The following CEP43 variants were observed in gnomAD, a reference collection of about 807,000 sequenced individuals.
CEP43 encodes the protein FGFR1 oncogene partner.
A neutral mutation model predicts 52.6 loss-of-function variants in CEP43; 36 were observed. The ratio of observed to expected loss-of-function variants is 0.68; its 90% CI spans 0.52 to 0.90. The LOEUF (loss-of-function observed/expected upper bound fraction) is 0.90. Among genes scored for constraint, CEP43 ranks in the 40% least tolerant of loss-of-function variants. The pLI is 0.00. For synonymous variants in CEP43, 192 were observed against 172.4 expected, an observed-to-expected ratio of 1.11 and a Z score of -0.89; for missense variants, 506 against 472.8, an observed-to-expected ratio of 1.07 and a Z score of -0.65.
intron 4 of CEP43, 37 bp downstream of exon 4, chr6:167,003,848 C>A: frequency 7.9e-7 from 1 of 1,261,266 alleles, no homozygotes; most frequent in Non-Finnish European, 1.2e-6. Flanking sequence ...CTTTTGAAAC[C>A]TTTGATACAA....
chr6:167,041,967 G>C lies in CEP43; in HGVS notation c.*1989G>C. 7.6e-6 allele frequency: 3 copies of C among 396,908 alleles called. No homozygotes were observed. Among genetic ancestry groups the C allele is most frequent in the Non-Finnish European group, 1.0e-5 (3 of 287,740 alleles). 24.6% of individuals were successfully genotyped at this position (396,908 alleles called of 1,614,324 possible). A position where few individuals can be genotyped will look rare whatever the true frequency, so the allele number is the denominator to read the frequency against. On this transcript the variant is annotated 3_prime_UTR_variant, in exon 13 of 13. Transcript: ENST00000366847. ...GCCTCCTGAGTAGCTGGGATTACAG[G>C]TGCACACCACCACGCCCGGCTAATT...
At chr6:167,002,735 T>C (rs1329018585) in intron 2 of CEP43, among the ~76,000 whole-genome samples, 1 of 152,228 alleles carries the variant, frequency 6.6e-6, no homozygotes, top group Admixed American at 6.5e-5. Context: ...AATAAATGTA[T>C]AATTACAAAA....
At chr6:167,010,286 T>C (rs1486397317) in intron 5 of CEP43, among the ~76,000 whole-genome samples, 6 of 152,180 alleles carry the variant, frequency 3.9e-5, no homozygotes, top group African/African-American at 1.2e-4. Flanking sequence ...AGATGACTCC[T>C]GTGGAAGTTG....
intron 12 of CEP43, among the ~76,000 whole-genome samples, chr6:167,039,541 C>T (rs568703150): frequency 1.1e-4 from 17 of 152,266 alleles, no homozygotes; most frequent in African/African-American, 3.4e-4. Flanking sequence ...TTTTGCAATT[C>T]GGAATTGTGC....
At chr6:167,022,883 G>A (rs1780269339) in intron 8 of CEP43, among the ~76,000 whole-genome samples, 1 of 152,022 alleles carries the variant, frequency 6.6e-6, no homozygotes, top group Non-Finnish European at 1.5e-5. Flanking sequence ...TTCCAGGGTG[G>A]GGTGCAGCAA....
intron 5 of CEP43, among the ~76,000 whole-genome samples, chr6:167,006,676 A>G (rs1346769029): frequency 1.3e-5 from 2 of 152,220 alleles, no homozygotes; most frequent in South Asian, 4.1e-4. Context: ...AGACTTGAGC[A>G]TCCTTGGATT....
rs1383281295 is a variant in CEP43, at chr6:167,042,948, T to G, written c.*2970T>G. 2 of 152,278 alleles carry G rather than the reference T, an allele frequency of 1.3e-5. No homozygotes were observed. Among genetic ancestry groups the G allele is most frequent in the African/African-American group, 4.8e-5 (2 of 41,390 alleles). The allele number at this position is 152,278 out of a possible 1,614,324, so 9.4% of individuals were successfully genotyped here. On this transcript the variant is annotated 3_prime_UTR_variant, in exon 13 of 13. Coordinates refer to ENST00000366847, the MANE Select transcript of CEP43 (RefSeq NM_007045.4). ...GCATCTTTGGGGCTGTAAACAGGCT[T>G]GAGCACTGACATGGGGCCTGGAGAA...
chr6:167,046,524 A>G lies in CEP43; in HGVS notation c.*6546A>G, dbSNP rs1247320388. On this transcript the variant is annotated 3_prime_UTR_variant, in exon 13 of 13. Coordinates refer to ENST00000366847, the MANE Select transcript of CEP43 (RefSeq NM_007045.4). ...GCTTGGAAATGGAATTTCTTAGCCT[A>G]ATTTCTAAATTAGAACTGCTTATGC... is the stretch of plus-strand genomic sequence containing the variant. The G allele has an allele frequency of 6.6e-6, 1 of 152,248 alleles. No homozygotes were observed. Among genetic ancestry groups the G allele is most frequent in the Non-Finnish European group, 1.5e-5 (1 of 68,034 alleles). The allele number at this position is 152,248 out of a possible 1,614,324, so 9.4% of individuals were successfully genotyped here.
chr6:167,033,815 G>A lies in CEP43; in HGVS notation c.1029-60G>A. 4.0e-6 allele frequency: 3 copies of A among 745,348 alleles called. No homozygotes were observed. In the Middle Eastern group the frequency reaches 7.3e-4, roughly 181 times the overall value. The allele number at this position is 745,348 out of a possible 1,614,324, so 46.2% of individuals were successfully genotyped here. ...GAAATATCTGAATGTTTAAAGAATA[G>A]TAATCTCTTTAAATGTTTATTTTCA... On this transcript the variant is annotated intron_variant, in intron 11 of 12. Transcript: ENST00000366847.
intron 5 of CEP43, among the ~76,000 whole-genome samples, chr6:167,006,736 G>GA (rs1023060680): frequency 1.1e-4 from 16 of 152,280 alleles, no homozygotes; most frequent in African/African-American, 3.6e-4. Context: ...GATACTGAGG[G>GA]ACGACTGTGT....
chr6:167,016,698 A>G (rs4710171), intron 7 of CEP43, among the ~76,000 whole-genome samples: 52,933 of 152,042 alleles, frequency 0.35, 10,324 homozygotes, highest in Non-Finnish European at 0.45. Flanking sequence ...TCCCTGTCAC[A>G]CTCTCACACC....
At chr6:167,025,431 G>A (rs1204608597) in intron 9 of CEP43, among the ~76,000 whole-genome samples, 1 of 152,222 alleles carries the variant, frequency 6.6e-6, no homozygotes, top group Admixed American at 6.5e-5. Context: ...CCCACACACA[G>A]TGATAGGAAT....
chr6:167,045,761 G>T lies in CEP43; in HGVS notation c.*5783G>T, dbSNP rs186914793. The T allele has an allele frequency of 4.1e-4, 62 of 152,442 alleles. No homozygotes were observed. Among genetic ancestry groups the T allele is most frequent in the South Asian group, 6.2e-4 (3 of 4,818 alleles). The allele number at this position is 152,442 out of a possible 1,614,324, so 9.4% of individuals were successfully genotyped here. ...AAAACAACAACAACAACGAAAAAACGATTTTGGCATGTTTTGTAAGTTGCC... is the reference window on the plus strand; with the variant it reads ...AAAACAACAACAACAACGAAAAAACTATTTTGGCATGTTTTGTAAGTTGCC... On this transcript the variant is annotated 3_prime_UTR_variant, in exon 13 of 13. Transcript: ENST00000366847.
intron 1 of CEP43, 86 bp from the exon 2 acceptor site, chr6:166,999,974 G>C: frequency 8.4e-7 from 1 of 1,186,568 alleles, no homozygotes. Context: ...TCGTTGGCTT[G>C]CTCGTGTTTG....
At position 167,044,790 on chromosome 6, in the gene CEP43, T is replaced by C. The variant is rs1780766415; in HGVS notation, c.*4812T>C. 1 of 153,376 alleles carries C rather than the reference T, an allele frequency of 6.5e-6. No homozygotes were observed. The allele number at this position is 153,376 out of a possible 1,614,324, so 9.5% of individuals were successfully genotyped here. On this transcript the variant is annotated 3_prime_UTR_variant, in exon 13 of 13. Coordinates refer to ENST00000366847, the MANE Select transcript of CEP43 (RefSeq NM_007045.4). ...GCCGGGCTCCCAACTCCTGCCCCGCTTCTAGCACATGCTGTGCTTGGCCAC... is the reference window on the plus strand; with the variant it reads ...GCCGGGCTCCCAACTCCTGCCCCGCCTCTAGCACATGCTGTGCTTGGCCAC...
chr6:167,002,925 T>C (rs988216514), intron 2 of CEP43, among the ~76,000 whole-genome samples: 4 of 152,250 alleles, frequency 2.6e-5, no homozygotes, highest in African/African-American at 9.6e-5. Context: ...TGACATTTAA[T>C]TGTATTTCAC....
At chr6:167,004,426 T>C (rs1027303366) in intron 5 of CEP43, 25 bp downstream of exon 5, 6 of 1,557,786 alleles carry the variant, frequency 3.9e-6, no homozygotes, top group Non-Finnish European at 5.2e-6. Flanking sequence ...GTGTTATCTT[T>C]TTCTATTTTA....
intron 10 of CEP43, chr6:167,028,230 C>T: frequency 1.0e-6 from 1 of 985,368 alleles, no homozygotes; most frequent in South Asian, 4.7e-5. Flanking sequence ...TATTCTCTTA[C>T]CAAAGCGAGG....
intron 8 of CEP43, among the ~76,000 whole-genome samples, chr6:167,023,823 C>T (rs1013961865): frequency 1.3e-5 from 2 of 152,024 alleles, no homozygotes; most frequent in Non-Finnish European, 2.9e-5. Context: ...GACCTTGACA[C>T]AGTTTTGTTG....
Sources: allele counts gnomAD v4.1 joint callset (sites outside exome capture counted in the v4.1 genomes callset), GRCh38; gene constraint gnomAD v4.1.1; transcripts MANE v1.5; gene names NCBI Gene and HGNC (gene_info 2026-07-23, HGNC 2026-07-21).